CYSTM1: variants seen among roughly 807,000 people sequenced by gnomAD.
CYSTM1 encodes cysteine rich transmembrane module containing 1.
In CYSTM1, 4 loss-of-function variants were observed where a neutral mutation model predicts 13.1. That is an observed-to-expected ratio of 0.31 (90% CI 0.15 to 0.70). The LOEUF (loss-of-function observed/expected upper bound fraction) is 0.70, where lower values mean the gene tolerates loss of function less well. Ranked by LOEUF, CYSTM1 falls within the 30% of genes least tolerant of loss-of-function variation. The pLI, the probability that CYSTM1 is intolerant of heterozygous loss-of-function variation, is 0.72. For synonymous variants in CYSTM1, 36 were observed against 42.7 expected (o/e 0.84, Z 0.62); for missense variants, 96 against 121.6 (o/e 0.79, Z 0.99).
chr5:140,207,827 G>A (rs1174551703), intron 2 of CYSTM1, among the ~76,000 whole-genome samples: 1 of 152,114 alleles, frequency 6.6e-6, no homozygotes, highest in Non-Finnish European at 1.5e-5. Flanking sequence ...CATCTGAGTG[G>A]TACTCCTCAC....
chr5:140,185,339 A>C (rs1287676557), intron 1 of CYSTM1, among the ~76,000 whole-genome samples: 1 of 152,242 alleles, frequency 6.6e-6, no homozygotes, highest in Non-Finnish European at 1.5e-5. Flanking sequence ...GCCACAGCCA[A>C]AATGTTGATA....
At chr5:140,182,766 G>A (rs976755437) in intron 1 of CYSTM1, among the ~76,000 whole-genome samples, 7 of 151,904 alleles carry the variant, frequency 4.6e-5, no homozygotes, top group Admixed American at 2.0e-4. Context: ...TTCATTGTCC[G>A]TAAAGCCTAT....
At position 140,227,791 on chromosome 5, in the gene CYSTM1, C is replaced by T. The variant is rs550104921; in HGVS notation, c.188-15514C>T. ...AGGCCCCACCCTTCTGCCATGAGGA[C>T]CCCCAGGAGCAGCTTTGAGTGTGGC... On this transcript the variant is annotated intron_variant, in intron 2 of 2. Coordinates refer to ENST00000261811, the MANE Select transcript of CYSTM1 (RefSeq NM_032412.4). Among the ~76,000 whole-genome samples the T allele has an allele frequency of 1.4e-3, 219 of 152,226 alleles. 1 individual carries two copies. The highest frequency in any genetic ancestry group is 0.013 in the South Asian group (61 of 4,818).
chr5:140,224,957 G>C (rs1247388241), intron 2 of CYSTM1, among the ~76,000 whole-genome samples: 3 of 152,200 alleles, frequency 2.0e-5, no homozygotes, highest in Non-Finnish European at 2.9e-5. Context: ...CAAGCAGGAG[G>C]ATGGCTTGAG....
intron 2 of CYSTM1, among the ~76,000 whole-genome samples, chr5:140,223,782 G>A (rs906425679): frequency 6.6e-6 from 1 of 152,228 alleles, no homozygotes; most frequent in Non-Finnish European, 1.5e-5. Context: ...TATGAGGCAA[G>A]GGGGCACTTT....
At chr5:140,201,489 A>G (rs989002553) in intron 2 of CYSTM1, 2 of 152,106 alleles carry the variant, frequency 1.3e-5, no homozygotes, top group African/African-American at 2.4e-5. Context: ...TACCCTACAC[A>G]TCTCTGGCGA....
At chr5:140,208,724 T>TA (rs1255496692) in intron 2 of CYSTM1, among the ~76,000 whole-genome samples, 2 of 152,022 alleles carry the variant, frequency 1.3e-5, no homozygotes, top group Non-Finnish European at 2.9e-5. Flanking sequence ...AAAATTAAAA[T>TA]AAAAAAATAT....
intron 2 of CYSTM1, among the ~76,000 whole-genome samples, chr5:140,232,013 G>T (rs1490470667): frequency 6.6e-6 from 1 of 152,218 alleles, no homozygotes; most frequent in Non-Finnish European, 1.5e-5. Context: ...ATTATGGAGA[G>T]AAATGAATGC....
intron 1 of CYSTM1, among the ~76,000 whole-genome samples, chr5:140,190,248 C>A (rs973871000): frequency 1.3e-5 from 2 of 151,986 alleles, no homozygotes; most frequent in South Asian, 4.1e-4. Context: ...GCAAAAAAAA[C>A]CCTTATTTTT....
At chr5:140,215,873 A>T (rs1394561729) in intron 2 of CYSTM1, among the ~76,000 whole-genome samples, 1 of 152,072 alleles carries the variant, frequency 6.6e-6, no homozygotes, top group East Asian at 1.9e-4. Context: ...GGGCACAATG[A>T]CTCACACCTG....
intron 2 of CYSTM1, chr5:140,200,914 T>C (rs1764218561): frequency 6.6e-6 from 1 of 152,230 alleles, no homozygotes; most frequent in African/African-American, 2.4e-5. Flanking sequence ...CTGGACATTT[T>C]GTATAAATGG....
At chr5:140,232,876 T>C (rs1170506507) in intron 2 of CYSTM1, among the ~76,000 whole-genome samples, 1 of 152,144 alleles carries the variant, frequency 6.6e-6, no homozygotes, top group Non-Finnish European at 1.5e-5. Context: ...TCACTCAGCT[T>C]TGAGCCTGAA....
chr5:140,209,766 G>T (rs1333348270), intron 2 of CYSTM1, among the ~76,000 whole-genome samples: 1 of 151,906 alleles, frequency 6.6e-6, no homozygotes, highest in Non-Finnish European at 1.5e-5. Flanking sequence ...CACCATGTTG[G>T]CCAGGCTGGT....
chr5:140,191,834 C>T (rs764694607), intron 1 of CYSTM1, among the ~76,000 whole-genome samples: 3 of 152,146 alleles, frequency 2.0e-5, no homozygotes, highest in Non-Finnish European at 2.9e-5. Context: ...ATTAATGAGA[C>T]TGATTTCTGT....
intron 2 of CYSTM1, among the ~76,000 whole-genome samples, chr5:140,233,927 C>T (rs1294933899): frequency 6.6e-6 from 1 of 152,150 alleles, no homozygotes; most frequent in African/African-American, 2.4e-5. Flanking sequence ...ATCTTTTCAT[C>T]CCCTTAACCG....
intron 2 of CYSTM1, among the ~76,000 whole-genome samples, chr5:140,208,143 A>C (rs1002173419): frequency 2.0e-5 from 3 of 152,242 alleles, no homozygotes; most frequent in African/African-American, 7.2e-5. Context: ...CTGCACTCTC[A>C]TGTTTGTTGC....
At chr5:140,181,255 A>G (rs1403443969) in intron 1 of CYSTM1, among the ~76,000 whole-genome samples, 1 of 152,130 alleles carries the variant, frequency 6.6e-6, no homozygotes, top group Admixed American at 6.6e-5. Flanking sequence ...GTTAAGTCGA[A>G]TACTTAGTGC....
intron 2 of CYSTM1, among the ~76,000 whole-genome samples, chr5:140,242,799 TA>T (rs1764766581): frequency 6.6e-6 from 1 of 152,172 alleles, no homozygotes; most frequent in Non-Finnish European, 1.5e-5. Flanking sequence ...TATGTCAAGG[TA>T]TAGAGGTTGG....
At chr5:140,179,182 C>T (rs1278419032) in intron 1 of CYSTM1, among the ~76,000 whole-genome samples, 2 of 151,790 alleles carry the variant, frequency 1.3e-5, no homozygotes, top group African/African-American at 2.4e-5. Flanking sequence ...ATCGCTGGAG[C>T]CCAGGAGTTT....
Sources: gnomAD v4.1 joint callset for allele counts (sites outside exome capture counted in the v4.1 genomes callset) on GRCh38, gnomAD v4.1.1 for gene constraint, MANE v1.5 for transcripts, NCBI Gene and HGNC (gene_info 2026-07-23, HGNC 2026-07-21) for gene names.